The following SVOP variants were observed in gnomAD, a reference collection of about 807,000 sequenced individuals.
SVOP encodes the protein synaptic vesicle 2-related protein.
In SVOP, 17 loss-of-function variants were observed where a neutral mutation model predicts 69.1. That is an observed-to-expected ratio of 0.25 (90% CI 0.17 to 0.37). SVOP has a LOEUF of 0.37. Ranked by LOEUF, SVOP falls within the 10% of genes least tolerant of loss-of-function variation. The probability of loss-of-function intolerance (pLI) is 1.00; values close to 1 mark genes in which losing one functional copy is unlikely to be tolerated. For synonymous variants in SVOP, 238 were observed against 238.6 expected (o/e 1.00, Z 0.02); for missense variants, 435 against 597.5 (o/e 0.73, Z 2.84).
chr12:108,947,794 T>C (rs985111120), intron 6 of SVOP, among the ~76,000 whole-genome samples: 14 of 152,176 alleles, frequency 9.2e-5, no homozygotes, highest in Non-Finnish European at 2.1e-4. Context: ...AAGGCAGGCA[T>C]CTGAGCTACT....
intron 5 of SVOP, among the ~76,000 whole-genome samples, 171 bp downstream of exon 5, chr12:108,972,234 T>C (rs1206512204): frequency 6.6e-6 from 1 of 151,916 alleles, no homozygotes; most frequent in Non-Finnish European, 1.5e-5. Context: ...ACTAGGAATC[T>C]GTGCTTTGAA....
intron 7 of SVOP, 36 bp downstream of exon 7, chr12:108,945,067 A>G: frequency 6.5e-7 from 1 of 1,533,176 alleles, no homozygotes; most frequent in Non-Finnish European, 8.7e-7. Context: ...GCCGGAATCC[A>G]CATGCTCTAG....
rs1280249590 is a variant in SVOP at position 108,910,194 on chromosome 12, C to G, written c.*2341G>C. ...AGCCAGGATGGTCTCGATCTCCTGA[C>G]CTTGTGATCCGCCCGCCTCGGCCTC... On this transcript the variant is annotated 3_prime_UTR_variant, in exon 16 of 16. Transcript: ENST00000610966. 1 of 152,238 alleles carries G rather than the reference C, an allele frequency of 6.6e-6. No individual in the cohort carries two copies. The highest frequency in any genetic ancestry group is 1.5e-5 in the Non-Finnish European group (1 of 68,084). 9.4% of individuals were successfully genotyped at this position (152,238 alleles called of 1,614,324 possible).
chr12:108,982,912 C>CATT (rs2040148184), intron 2 of SVOP, among the ~76,000 whole-genome samples: 1 of 148,734 alleles, frequency 6.7e-6, no homozygotes, highest in Non-Finnish European at 1.5e-5. Flanking sequence ...CCATCCTTAT[C>CATT]ATCTTTCATC....
chr12:108,915,759 T>G, intron 15 of SVOP, 24 bp downstream of exon 15: 1 of 1,584,364 alleles, frequency 6.3e-7, no homozygotes, highest in Non-Finnish European at 8.6e-7. Flanking sequence ...CCCCCATCCC[T>G]CTGTATTTGG....
At chr12:108,983,544 G>A in intron 2 of SVOP, 57 bp downstream of exon 2, 1 of 398,656 alleles carries the variant, frequency 2.5e-6, no homozygotes, top group Non-Finnish European at 4.4e-6. Flanking sequence ...ATTGCCTGCT[G>A]GGTAGGCAAC....
intron 11 of SVOP, among the ~76,000 whole-genome samples, chr12:108,930,304 A>G (rs1468310194): frequency 1.3e-5 from 2 of 152,222 alleles, no homozygotes; most frequent in Non-Finnish European, 2.9e-5. Flanking sequence ...ACAGACTGGT[A>G]CTGCCAAGTG....
intron 1 of SVOP, among the ~76,000 whole-genome samples, chr12:108,991,787 A>AAAC (rs1555252753): frequency 6.6e-6 from 1 of 150,564 alleles, no homozygotes; most frequent in Non-Finnish European, 1.5e-5. Flanking sequence ...AAAAAAACAA[A>AAAC]AAAAAAAGAT....
chr12:109,016,897 C>T (rs1403863986), intron 1 of SVOP, among the ~76,000 whole-genome samples: 1 of 152,040 alleles, frequency 6.6e-6, no homozygotes, highest in Non-Finnish European at 1.5e-5. Flanking sequence ...CATGAGCCAC[C>T]AGACCTGGCT....
chr12:108,973,627 T>G (rs563212002), intron 4 of SVOP, among the ~76,000 whole-genome samples: 15 of 152,248 alleles, frequency 9.9e-5, no homozygotes, highest in Middle Eastern at 3.4e-3. Context: ...TCTAACTCCT[T>G]GCTTCAAGGG....
intron 5 of SVOP, among the ~76,000 whole-genome samples, chr12:108,968,619 C>G (rs2040060065): frequency 6.6e-6 from 1 of 152,078 alleles, no homozygotes; most frequent in Admixed American, 6.6e-5. Flanking sequence ...TATTTTTACT[C>G]ATTTTCTGTT....
At chr12:108,940,315 T>C (rs1173860195) in intron 8 of SVOP, among the ~76,000 whole-genome samples, 1 of 152,166 alleles carries the variant, frequency 6.6e-6, no homozygotes, top group South Asian at 2.1e-4. Context: ...ATGATGAGTA[T>C]GTGGCAAGAT....
intron 1 of SVOP, among the ~76,000 whole-genome samples, chr12:108,996,654 G>A (rs2135615331): frequency 6.6e-6 from 1 of 152,274 alleles, no homozygotes; most frequent in South Asian, 2.1e-4. Context: ...ATCTTGGCCA[G>A]GCATCGTGGC....
chr12:108,987,131 C>G (rs907498571), intron 1 of SVOP, among the ~76,000 whole-genome samples: 1 of 152,166 alleles, frequency 6.6e-6, no homozygotes, highest in Admixed American at 6.5e-5. Context: ...TGACGAGCAC[C>G]AATCTACTTT....
chr12:109,020,450 G>A lies in SVOP; in HGVS notation c.35+384C>T, dbSNP rs187225658. On this transcript the variant is annotated intron_variant, in intron 1 of 15. Coordinates refer to ENST00000610966, the MANE Select transcript of SVOP (RefSeq NM_018711.5). ...GAAAAATTATGGATTTCACAGCATA[G>A]GATTAGGGCTGGAAAGGACCGATGT... is the stretch of plus-strand genomic sequence containing the variant. Among the ~76,000 whole-genome samples the A allele has an allele frequency of 1.6e-3, 236 of 152,250 alleles. 4 individuals carry two copies. The highest frequency in any genetic ancestry group is 1.0e-4 in the Non-Finnish European group (7 of 68,024).
intron 1 of SVOP, among the ~76,000 whole-genome samples, chr12:108,998,930 CATA>C (rs1259350886): frequency 1.3e-5 from 2 of 150,304 alleles, no homozygotes; most frequent in Non-Finnish European, 3.0e-5. Flanking sequence ...CAGCTAACAT[CATA>C]ATGACAGGAT....
intron 11 of SVOP, among the ~76,000 whole-genome samples, chr12:108,931,857 C>T (rs1295340129): frequency 1.3e-5 from 2 of 150,694 alleles, no homozygotes; most frequent in African/African-American, 2.4e-5. Flanking sequence ...AAATGCTTCC[C>T]GGGTGAGTCT....
At chr12:108,956,916 G>C (rs2039988673) in intron 6 of SVOP, among the ~76,000 whole-genome samples, 1 of 152,190 alleles carries the variant, frequency 6.6e-6, no homozygotes, top group South Asian at 2.1e-4. Flanking sequence ...TGTGACCATG[G>C]GGCACTGTCC....
At chr12:108,960,869 C>A (rs1382371218) in intron 6 of SVOP, 54 bp downstream of exon 6, 2 of 1,525,536 alleles carry the variant, frequency 1.3e-6, no homozygotes, top group African/African-American at 2.7e-5. Flanking sequence ...AGACCATGAA[C>A]AGACACGTGG....
Sources: allele counts gnomAD v4.1 joint callset (sites outside exome capture counted in the v4.1 genomes callset), GRCh38; gene constraint gnomAD v4.1.1; transcripts MANE v1.5; gene names NCBI Gene and HGNC (gene_info 2026-07-23, HGNC 2026-07-21).